The following ZNRF3 variants were observed in gnomAD, a reference collection of about 807,000 sequenced individuals.
ZNRF3 encodes the protein E3 ubiquitin-protein ligase ZNRF3.
ZNRF3 carries 23 observed loss-of-function variants against 72.5 expected under a neutral mutation model. The ratio of observed to expected loss-of-function variants is 0.32; its 90% CI spans 0.23 to 0.45. The LOEUF is 0.45. Among genes scored for constraint, ZNRF3 ranks in the 20% least tolerant of loss-of-function variants. The pLI is 1.00. For missense variants in ZNRF3, 1,169 were observed against 1,272.1 expected, an observed-to-expected ratio of 0.92 and a Z score of 1.23; for synonymous variants, 610 against 545.3, an observed-to-expected ratio of 1.12 and a Z score of -1.65.
At chr22:28,988,202 G>A (rs2035890242) in intron 2 of ZNRF3, among the ~76,000 whole-genome samples, 1 of 152,164 alleles carries the variant, frequency 6.6e-6, no homozygotes, top group African/African-American at 2.4e-5. Flanking sequence ...TAAGGATAGT[G>A]GTACTGACTG....
At chr22:28,907,112 AGCTG>A (rs2034222323) in intron 1 of ZNRF3, among the ~76,000 whole-genome samples, 2 of 149,836 alleles carry the variant, frequency 1.3e-5, no homozygotes, top group Non-Finnish European at 3.0e-5. Flanking sequence ...CCTCCCGAGT[AGCTG>A]GGACTACAGG....
At chr22:28,954,470 TG>T (rs1271597195) in intron 1 of ZNRF3, among the ~76,000 whole-genome samples, 1 of 152,188 alleles carries the variant, frequency 6.6e-6, no homozygotes, top group African/African-American at 2.4e-5. Flanking sequence ...AAGTGCATAT[TG>T]GGGGAGTTAG....
intron 1 of ZNRF3, among the ~76,000 whole-genome samples, chr22:28,909,774 G>A (rs2034281729): frequency 7.0e-6 from 1 of 142,048 alleles, no homozygotes; most frequent in Admixed American, 7.1e-5. Context: ...TTTTTTGGTG[G>A]TAGGGAAAGG....
chr22:28,920,175 A>C (rs1047897549), intron 1 of ZNRF3, among the ~76,000 whole-genome samples: 1 of 151,908 alleles, frequency 6.6e-6, no homozygotes, highest in Non-Finnish European at 1.5e-5. Flanking sequence ...CATGTTGGCC[A>C]GGCTGATCTC....
intron 2 of ZNRF3, among the ~76,000 whole-genome samples, chr22:29,021,223 ACT>A (rs976091677): frequency 6.6e-6 from 1 of 151,842 alleles, no homozygotes; most frequent in African/African-American, 2.4e-5. Context: ...AACGAGCGAA[ACT>A]CTGTCTCAAA....
intron 1 of ZNRF3, among the ~76,000 whole-genome samples, chr22:28,930,365 T>G (rs1278548505): frequency 6.6e-6 from 1 of 152,204 alleles, no homozygotes; most frequent in Non-Finnish European, 1.5e-5. Context: ...GAGAGTAGTT[T>G]CCCAGCCAGG....
At position 29,054,852 on chromosome 22, in the gene ZNRF3, TC is replaced by T. The variant is rs11330684; in HGVS notation, c.*1235del. Reference sequence around the variant, plus strand: ...TGAATGATACCTTTCCTATCCCATTTCCCCCACGGAAGCACCGCTTCAGGGT... The same window carrying T: ...TGAATGATACCTTTCCTATCCCATTTCCCCACGGAAGCACCGCTTCAGGGT... On this transcript the variant is annotated 3_prime_UTR_variant, in exon 9 of 9. Coordinates refer to ENST00000544604, the MANE Select transcript of ZNRF3 (RefSeq NM_001206998.2). The T allele has an allele frequency of 0.53, 81,689 of 152,828 alleles. 22,112 individuals carry two copies. The highest frequency in any genetic ancestry group is 0.63 in the South Asian group (3,016 of 4,804). 9.5% of individuals were successfully genotyped at this position (152,828 alleles called of 1,614,324 possible). A position where few individuals can be genotyped will look rare whatever the true frequency, so the allele number is the denominator to read the frequency against.
rs2036777542 is a variant in ZNRF3, at chr22:29,032,318, A to T, written c.427-10177A>T. 2.6e-5 allele frequency among the ~76,000 whole-genome samples: 4 copies of T among 152,286 alleles called. 1 individual carries two copies. The highest frequency in any genetic ancestry group is 2.6e-4 in the Admixed American group (4 of 15,302). On this transcript the variant is annotated intron_variant, in intron 2 of 8. Coordinates refer to ENST00000544604, the MANE Select transcript of ZNRF3 (RefSeq NM_001206998.2). Reference sequence around the variant, plus strand: ...TTCCTGCAGAATGGATGGAACAAACACTGCAAGTGGTTGGGCTTGTTTTCA... The same window carrying T: ...TTCCTGCAGAATGGATGGAACAAACTCTGCAAGTGGTTGGGCTTGTTTTCA...
Position 28,959,405 on chromosome 22 carries a change from T to A in ZNRF3, c.301-27671T>A, listed in dbSNP as rs552871691. ...TGAACCTCTGGCCTGGGAAGACCTC[T>A]TTCAAATAAGATTATGCCCATCTGT... On this transcript the variant is annotated intron_variant, in intron 1 of 8. Transcript: ENST00000544604. Among the ~76,000 whole-genome samples, 4 of 152,342 alleles carry A rather than the reference T, an allele frequency of 2.6e-5. No individual in the cohort carries two copies. The East Asian group carries it at 5.8e-4, about 22-fold the overall frequency.
chr22:28,889,426 G>A (rs905823933), intron 1 of ZNRF3, among the ~76,000 whole-genome samples: 4 of 152,156 alleles, frequency 2.6e-5, no homozygotes, highest in Admixed American at 2.6e-4. Flanking sequence ...ATTACCAAGA[G>A]TTTGAGTGGG....
intron 1 of ZNRF3, among the ~76,000 whole-genome samples, chr22:28,890,684 G>A (rs2033868121): frequency 6.6e-6 from 1 of 152,130 alleles, no homozygotes; most frequent in African/African-American, 2.4e-5. Flanking sequence ...TAACAATAAG[G>A]GATTGGCATT....
At chr22:29,021,233 AAAAAAAATAAAT>A (rs1412986775) in intron 2 of ZNRF3, among the ~76,000 whole-genome samples, 2 of 151,558 alleles carry the variant, frequency 1.3e-5, no homozygotes, top group African/African-American at 2.4e-5. Context: ...ACTCTGTCTC[AAAAAAAATAAAT>A]AAATAAATAA....
At chr22:28,981,297 G>T (rs1244411785) in intron 1 of ZNRF3, among the ~76,000 whole-genome samples, 1 of 152,204 alleles carries the variant, frequency 6.6e-6, no homozygotes, top group Non-Finnish European at 1.5e-5. Flanking sequence ...CTCTACAGAT[G>T]ATTGTTATCC....
chr22:28,989,711 G>A lies in ZNRF3; in HGVS notation c.426+2510G>A, dbSNP rs561658291. Reference sequence around the variant, plus strand: ...AGGGAGGACTCTGTCCGCTGCAGGCGGGCCAGGCATTCGGAAAAGCCTGTG... The same window carrying A: ...AGGGAGGACTCTGTCCGCTGCAGGCAGGCCAGGCATTCGGAAAAGCCTGTG... On this transcript the variant is annotated intron_variant, in intron 2 of 8. Coordinates refer to ENST00000544604, the MANE Select transcript of ZNRF3 (RefSeq NM_001206998.2). 1.6e-4 allele frequency among the ~76,000 whole-genome samples: 24 copies of A among 152,246 alleles called. 1 individual carries two copies. The highest frequency in any genetic ancestry group is 6.8e-3 in the Middle Eastern group (2 of 294).
At chr22:28,910,108 TCACTGCAAC>T (rs2034289616) in intron 1 of ZNRF3, among the ~76,000 whole-genome samples, 1 of 151,858 alleles carries the variant, frequency 6.6e-6, no homozygotes, top group South Asian at 2.1e-4. Context: ...CAATCTCAGC[TCACTGCAAC>T]CTCTGCCTCC....
At position 29,050,184 on chromosome 22, in the gene ZNRF3, G is replaced by A. The variant is rs1265663830; in HGVS notation, c.2003G>A (p.Ser668Asn). Residue 668 changes from serine (S) to asparagine (N), a missense_variant, in exon 8 of 9, where the codon AGC becomes AAC. Physicochemically the swap from Ser to Asn is conservative, Grantham distance 46. Around this residue, in one of 2 missense-constraint regions of ZNRF3, gnomAD observed 783 missense variants for 731.4 expected, o/e 1.07. Coordinates refer to ENST00000544604, the MANE Select transcript of ZNRF3 (RefSeq NM_001206998.2). ...VSTCSLEMNY[S>N]SNSSLEHRGP... is the part of the protein sequence containing the mutation. The stretch of plus-strand genomic sequence containing the variant: ...ACCTGCAGCCTGGAGATGAACTACA[G>A]CAGCAACTCCTCCCTGGAGCACAGG... 1.9e-6 allele frequency: 3 copies of A among 1,601,914 alleles called. No individual in the cohort carries two copies. The highest frequency in any genetic ancestry group is 2.2e-5 in the South Asian group (2 of 91,080).
At chr22:29,041,378 G>A (rs1485257382) in intron 2 of ZNRF3, among the ~76,000 whole-genome samples, 1 of 152,096 alleles carries the variant, frequency 6.6e-6, no homozygotes. Context: ...CTCCAGCCAT[G>A]CTATATCTTA....
intron 5 of ZNRF3, among the ~76,000 whole-genome samples, chr22:29,046,351 T>TAC: frequency 6.6e-6 from 1 of 152,314 alleles, no homozygotes; most frequent in East Asian, 1.9e-4. Flanking sequence ...ATTGTCTATT[T>TAC]ACTGTCACCA....
intron 1 of ZNRF3, among the ~76,000 whole-genome samples, chr22:28,967,840 G>A (rs903036157): frequency 6.0e-5 from 9 of 150,612 alleles, no homozygotes; most frequent in Non-Finnish European, 8.9e-5. Flanking sequence ...CAGGAGGATC[G>A]CTTGAGCCCA....
Sources: allele counts gnomAD v4.1 joint callset (sites outside exome capture counted in the v4.1 genomes callset), GRCh38; gene constraint gnomAD v4.1.1; regional missense constraint gnomAD v4.1.1; transcripts MANE v1.5; gene names NCBI Gene and HGNC (gene_info 2026-07-23, HGNC 2026-07-21).